WDR72: variants seen among roughly 807,000 people sequenced by gnomAD.
The protein encoded by WDR72 is WD repeat domain 72.
In WDR72, 120 loss-of-function variants were observed where a neutral mutation model predicts 124.2. The observed-to-expected ratio is 0.97, with a 90% CI of 0.83 to 1.12. The LOEUF (loss-of-function observed/expected upper bound fraction) is 1.12. WDR72 is among the 50% of genes most tolerant of loss of function. WDR72 has a pLI of 0.00. For synonymous variants in WDR72, 452 were observed against 441.7 expected, an observed-to-expected ratio of 1.02 and a Z score of -0.29; for missense variants, 1,387 against 1,278.8, an observed-to-expected ratio of 1.08 and a Z score of -1.29.
At chr15:53,729,188 T>C (rs1047283563) in intron 2 of WDR72, among the ~76,000 whole-genome samples, 1 of 152,112 alleles carries the variant, frequency 6.6e-6, no homozygotes, top group Non-Finnish European at 1.5e-5. Flanking sequence ...GTTCTGTCCA[T>C]CCTCTCTTCT....
At chr15:53,686,039 T>C (rs1164940989) in intron 13 of WDR72, among the ~76,000 whole-genome samples, 8 of 149,616 alleles carry the variant, frequency 5.3e-5, no homozygotes, top group African/African-American at 1.2e-4. Context: ...CAGGCCTGCC[T>C]TACAAGAGCT....
chr15:53,560,854 C>T (rs188496947), intron 18 of WDR72, among the ~76,000 whole-genome samples: 63 of 151,580 alleles, frequency 4.2e-4, no homozygotes, highest in African/African-American at 1.4e-3. Flanking sequence ...CTCCCAGCCC[C>T]GGCCCCCCAA....
chr15:53,575,111 T>C (rs74017460), intron 18 of WDR72, among the ~76,000 whole-genome samples: 18,134 of 152,046 alleles, frequency 0.12, 1,294 homozygotes, highest in African/African-American at 0.19. Context: ...TTGATACATA[T>C]ATATTTCAAA....
chr15:53,654,311 C>T (rs547653923), intron 14 of WDR72, among the ~76,000 whole-genome samples: 11 of 152,146 alleles, frequency 7.2e-5, no homozygotes, highest in Admixed American at 2.6e-4. Context: ...CATTATACTT[C>T]ATGATTTGTC....
At chr15:53,568,497 AACTATTAT>A (rs1419094279) in intron 18 of WDR72, among the ~76,000 whole-genome samples, 22 of 152,066 alleles carry the variant, frequency 1.4e-4, no homozygotes, top group Admixed American at 5.3e-4. Context: ...CATTTTCCTT[AACTATTAT>A]ACAAAAATCT....
intron 18 of WDR72, among the ~76,000 whole-genome samples, chr15:53,536,879 G>C (rs371363706): frequency 1.1e-4 from 17 of 152,302 alleles, no homozygotes; most frequent in East Asian, 7.7e-4. Context: ...ACATGATCCT[G>C]TTGTCTGTCT....
intron 9 of WDR72, among the ~76,000 whole-genome samples, chr15:53,709,135 C>A (rs1192251270): frequency 6.6e-6 from 1 of 152,230 alleles, no homozygotes; most frequent in African/African-American, 2.4e-5. Context: ...CATCCTACCA[C>A]AATGCCTTCA....
At chr15:53,553,098 A>G (rs887115550) in intron 18 of WDR72, among the ~76,000 whole-genome samples, 1 of 152,186 alleles carries the variant, frequency 6.6e-6, no homozygotes, top group Non-Finnish European at 1.5e-5. Flanking sequence ...GCAATGATTC[A>G]GAATACTACA....
Position 53,529,399 on chromosome 15 carries a change from CTT to C in WDR72, c.3149-6079_3149-6078del, listed in dbSNP as rs371186329. Among the ~76,000 whole-genome samples the C allele has an allele frequency of 2.9e-4, 44 of 151,876 alleles. No individual in the cohort carries two copies. In the East Asian group the frequency reaches 6.8e-3, roughly 24 times the overall value. ...ATGAGGGAGTTGAAGTACACAGCCT[CTT>C]TGATACCTTCCAGCTTTGAGACTCA... On this transcript the variant is annotated intron_variant, in intron 18 of 19. Transcript: ENST00000360509.
At chr15:53,679,075 T>C (rs1233111946) in intron 13 of WDR72, among the ~76,000 whole-genome samples, 1 of 152,214 alleles carries the variant, frequency 6.6e-6, no homozygotes, top group Non-Finnish European at 1.5e-5. Context: ...ATTGCATGAT[T>C]CCACTTATAT....
intron 14 of WDR72, among the ~76,000 whole-genome samples, chr15:53,643,314 G>C (rs908312577): frequency 1.3e-5 from 2 of 151,978 alleles, no homozygotes; most frequent in African/African-American, 2.4e-5. Flanking sequence ...TAATTAATTA[G>C]TCAGTTAATT....
intron 14 of WDR72, among the ~76,000 whole-genome samples, chr15:53,623,668 G>A (rs986902068): frequency 2.0e-5 from 3 of 152,048 alleles, no homozygotes; most frequent in African/African-American, 7.2e-5. Context: ...TCCCAGTAAT[G>A]GGATTGCTGG....
chr15:53,523,173 T>C, intron 19 of WDR72, 45 bp downstream of exon 19: 1 of 1,588,610 alleles, frequency 6.3e-7, no homozygotes, highest in Non-Finnish European at 8.6e-7. Flanking sequence ...CAAAGCTGTG[T>C]CAAATTTATC....
chr15:53,529,045 C>T (rs1213282707), intron 18 of WDR72, among the ~76,000 whole-genome samples: 1 of 150,810 alleles, frequency 6.6e-6, no homozygotes, highest in South Asian at 2.1e-4. Context: ...TCAAAAATGT[C>T]CAAAAACTTC....
intron 2 of WDR72, among the ~76,000 whole-genome samples, chr15:53,724,147 T>C (rs1451480408): frequency 6.6e-6 from 1 of 152,094 alleles, no homozygotes; most frequent in Non-Finnish European, 1.5e-5. Flanking sequence ...TGCCAATGGC[T>C]GGGGGTGAGG....
At chr15:53,728,041 G>T (rs893810611) in intron 2 of WDR72, among the ~76,000 whole-genome samples, 2 of 152,166 alleles carry the variant, frequency 1.3e-5, no homozygotes, top group South Asian at 4.1e-4. Flanking sequence ...CACACAACTT[G>T]ATGAATGTAT....
At chr15:53,721,264 T>A (rs1412665883) in intron 3 of WDR72, among the ~76,000 whole-genome samples, 1 of 152,216 alleles carries the variant, frequency 6.6e-6, no homozygotes, top group Admixed American at 6.5e-5. Flanking sequence ...ATCAAAAATA[T>A]ATCCATTAAC....
At chr15:53,559,847 G>C (rs1894066919) in intron 18 of WDR72, among the ~76,000 whole-genome samples, 1 of 151,944 alleles carries the variant, frequency 6.6e-6, no homozygotes, top group Non-Finnish European at 1.5e-5. Flanking sequence ...CTATATTAGA[G>C]GTTAGCTGAC....
intron 18 of WDR72, among the ~76,000 whole-genome samples, chr15:53,556,105 T>A (rs1371676312): frequency 6.6e-6 from 1 of 152,134 alleles, no homozygotes; most frequent in Non-Finnish European, 1.5e-5. Flanking sequence ...AAACAAATAA[T>A]AATGCTCTAT....
Sources: gnomAD v4.1 joint callset for allele counts (sites outside exome capture counted in the v4.1 genomes callset) on GRCh38, gnomAD v4.1.1 for gene constraint, MANE v1.5 for transcripts, NCBI Gene and HGNC (gene_info 2026-07-23, HGNC 2026-07-21) for gene names.